THSD4: variants seen among roughly 807,000 people sequenced by gnomAD.
THSD4 encodes thrombospondin type-1 domain-containing protein 4.
THSD4 carries 69 observed loss-of-function variants against 119.0 expected under a neutral mutation model. The ratio of observed to expected loss-of-function variants is 0.58; its 90% confidence interval spans 0.48 to 0.71. The LOEUF is 0.71. Among genes scored for constraint, THSD4 ranks in the 30% least tolerant of loss-of-function variants. The pLI, the probability that THSD4 is intolerant of heterozygous loss-of-function variation, is 0.00. For synonymous variants in THSD4, 524 were observed against 540.4 expected (o/e 0.97, Z 0.42); for missense variants, 1,393 against 1,391.1 (o/e 1.00, Z -0.02).
intron 8 of THSD4, among the ~76,000 whole-genome samples, chr15:71,683,053 C>T (rs751066764): frequency 6.6e-5 from 10 of 151,130 alleles, no homozygotes; most frequent in African/African-American, 2.4e-4. Flanking sequence ...TCCCAAGTAG[C>T]GGGAACTACA....
intron 7 of THSD4, among the ~76,000 whole-genome samples, chr15:71,567,101 G>T (rs4537970): frequency 0.16 from 25,005 of 152,108 alleles, 2,096 homozygotes; most frequent in African/African-American, 0.19. Context: ...TCAGAGCAGT[G>T]CCCGGATAGC....
intron 7 of THSD4, among the ~76,000 whole-genome samples, chr15:71,584,549 A>G (rs1432921877): frequency 6.6e-6 from 1 of 151,872 alleles, no homozygotes; most frequent in African/African-American, 2.4e-5. Flanking sequence ...AATTATAGAC[A>G]TGAGCCACCA....
At chr15:71,443,035 A>C (rs1452088080) in intron 7 of THSD4, among the ~76,000 whole-genome samples, 2 of 152,088 alleles carry the variant, frequency 1.3e-5, no homozygotes, top group African/African-American at 4.8e-5. Flanking sequence ...TGTTGAAAGA[A>C]TTATGAATAC....
intron 8 of THSD4, among the ~76,000 whole-genome samples, chr15:71,670,812 A>G (rs189928026): frequency 1.1e-3 from 171 of 151,024 alleles, no homozygotes; most frequent in African/African-American, 4.0e-3. Flanking sequence ...ATGTCCCTAC[A>G]AAGGACATGA....
At chr15:71,377,507 G>C (rs560476830) in intron 6 of THSD4, among the ~76,000 whole-genome samples, 34 of 152,248 alleles carry the variant, frequency 2.2e-4, no homozygotes, top group African/African-American at 7.9e-4. Flanking sequence ...CAACCCCAGG[G>C]GAAGGGAACC....
At position 71,775,351 on chromosome 15, in the gene THSD4, G is replaced by A. The variant is rs76123128; in HGVS notation, c.2915-1881G>A. Among the ~76,000 whole-genome samples, 678 of 152,270 alleles carry A rather than the reference G, an allele frequency of 4.5e-3. 6 individuals are homozygous for A. Among genetic ancestry groups the A allele is most frequent in the African/African-American group, 0.014 (587 of 41,552 alleles). On this transcript the variant is annotated intron_variant, in intron 17 of 17. Coordinates refer to ENST00000261862, the MANE Select transcript of THSD4 (RefSeq NM_024817.3). ...AGTATATTGTCAGTTCTTTCCCAAA[G>A]TAATCTATAAATGGAAGCAATATTA... is the stretch of plus-strand genomic sequence containing the variant.
intron 7 of THSD4, among the ~76,000 whole-genome samples, chr15:71,435,630 A>G (rs1043269601): frequency 9.9e-5 from 15 of 152,188 alleles, no homozygotes; most frequent in Non-Finnish European, 2.1e-4. Flanking sequence ...TGCAGCCTTC[A>G]TGATCCTCCC....
In THSD4 at chr15:71,201,912, G is replaced by A. The variant is rs747160459; in HGVS notation, c.100-13123G>A. Among the ~76,000 whole-genome samples, 13 of 152,302 alleles carry A rather than the reference G, an allele frequency of 8.5e-5. No homozygotes were observed. The South Asian group carries it at 1.7e-3, about 19-fold the overall frequency. Reference sequence around the variant, plus strand: ...TGCTGCAGTGCTCAGTTCTTTGCCAGAGCAAGGAATCTGGCCTGGGAAACT... The same window carrying A: ...TGCTGCAGTGCTCAGTTCTTTGCCAAAGCAAGGAATCTGGCCTGGGAAACT... On this transcript the variant is annotated intron_variant, in intron 3 of 17. Transcript: ENST00000261862.
intron 7 of THSD4, among the ~76,000 whole-genome samples, chr15:71,494,250 T>A (rs1191228226): frequency 6.6e-6 from 1 of 152,162 alleles, no homozygotes; most frequent in Non-Finnish European, 1.5e-5. Flanking sequence ...CATTATTTGG[T>A]TAAATTATAA....
intron 7 of THSD4, among the ~76,000 whole-genome samples, chr15:71,628,291 T>C (rs1225211411): frequency 6.6e-6 from 1 of 152,224 alleles, no homozygotes; most frequent in Admixed American, 6.5e-5. Flanking sequence ...AAGGAAAGGC[T>C]GAGAATGACA....
At chr15:71,591,568 C>T (rs2049806281) in intron 7 of THSD4, among the ~76,000 whole-genome samples, 1 of 152,244 alleles carries the variant, frequency 6.6e-6, no homozygotes, top group East Asian at 1.9e-4. Flanking sequence ...GCAGATGACA[C>T]TGAAAGGGAG....
rs181947537 is a variant in THSD4 at position 71,307,558 on chromosome 15, A to G, written c.1015+50843A>G. On this transcript the variant is annotated intron_variant, in intron 6 of 17. Transcript: ENST00000261862. ...AGGCTGAGGCAGGTAGATCATGAGG[A>G]CAGGAGTTCAAGACCAGCCTGGCCA... 5.5e-4 allele frequency among the ~76,000 whole-genome samples: 84 copies of G among 152,164 alleles called. No homozygotes were observed. In the East Asian group the frequency reaches 0.012, roughly 22 times the overall value.
intron 7 of THSD4, among the ~76,000 whole-genome samples, chr15:71,654,738 C>A (rs2051155984): frequency 6.6e-6 from 1 of 152,340 alleles, no homozygotes; most frequent in East Asian, 1.9e-4. Context: ...AGCTACTAAT[C>A]ATTTTAATAT....
Position 71,373,034 on chromosome 15 carries a change from A to T in THSD4, c.1016-38653A>T, listed in dbSNP as rs527441160. 3.3e-5 allele frequency among the ~76,000 whole-genome samples: 5 copies of T among 152,300 alleles called. No homozygotes were observed. In the South Asian group the frequency reaches 1.0e-3, roughly 32 times the overall value. The stretch of plus-strand genomic sequence containing the variant: ...CTTGTTATCTCTTTTCAATCTTGCA[A>T]CAACCTCCTTTCAGAGAGAAGAAAA... On this transcript the variant is annotated intron_variant, in intron 6 of 17. Coordinates refer to ENST00000261862, the MANE Select transcript of THSD4 (RefSeq NM_024817.3).
intron 2 of THSD4, among the ~76,000 whole-genome samples, chr15:71,146,265 T>G (rs1426947690): frequency 1.3e-5 from 2 of 152,328 alleles, no homozygotes; most frequent in East Asian, 3.9e-4. Context: ...CCGATTGTCT[T>G]TCTTGCACAA....
intron 4 of THSD4, among the ~76,000 whole-genome samples, chr15:71,233,842 C>T (rs761223562): frequency 3.3e-4 from 50 of 152,330 alleles, no homozygotes; most frequent in East Asian, 3.9e-4. Flanking sequence ...TCAGACACTT[C>T]GTGTTAAGCA....
At chr15:71,367,151 A>C (rs368365552) in intron 6 of THSD4, among the ~76,000 whole-genome samples, 1 of 152,140 alleles carries the variant, frequency 6.6e-6, no homozygotes, top group Admixed American at 6.5e-5. Flanking sequence ...TATAACACCC[A>C]GTTACACAAG....
At chr15:71,657,863 A>G (rs544034194) in intron 7 of THSD4, among the ~76,000 whole-genome samples, 1 of 152,316 alleles carries the variant, frequency 6.6e-6, no homozygotes, top group African/African-American at 2.4e-5. Flanking sequence ...ATTTTCATAT[A>G]ATGTCTGATT....
At chr15:71,417,787 A>G (rs1463960606) in intron 7 of THSD4, among the ~76,000 whole-genome samples, 1 of 108,328 alleles carries the variant, frequency 9.2e-6, no homozygotes, top group Non-Finnish European at 2.0e-5. Flanking sequence ...TTTCATTGGT[A>G]TTTTGATAAG....
Sources: gnomAD v4.1 joint callset for allele counts (sites outside exome capture counted in the v4.1 genomes callset) on GRCh38, gnomAD v4.1.1 for gene constraint, MANE v1.5 for transcripts, NCBI Gene and HGNC (gene_info 2026-07-23, HGNC 2026-07-21) for gene names.